The following TBC1D19 variants were observed in gnomAD, a reference collection of about 807,000 sequenced individuals.
TBC1D19 encodes the protein TBC1 domain family, member 19.
A neutral mutation model predicts 89.0 loss-of-function variants in TBC1D19; 60 were observed. The ratio of observed to expected loss-of-function variants is 0.67; its 90% CI spans 0.55 to 0.84. The LOEUF is 0.84. Ranked by LOEUF, TBC1D19 falls within the 40% of genes least tolerant of loss-of-function variation. The pLI is 0.00. For missense variants in TBC1D19, 500 were observed against 610.8 expected, an observed-to-expected ratio of 0.82 and a Z score of 1.91; for synonymous variants, 189 against 199.7, an observed-to-expected ratio of 0.95 and a Z score of 0.45.
At chr4:26,824,915 C>T in the TBC1D19 span, among the ~76,000 whole-genome samples, 1 of 152,122 alleles carries the variant, frequency 6.6e-6, no homozygotes, top group Non-Finnish European at 1.5e-5. Flanking sequence ...ACAGAGCATG[C>T]CTGTTTAACG....
At chr4:26,793,355 C>T in the TBC1D19 span, among the ~76,000 whole-genome samples, 1 of 152,150 alleles carries the variant, frequency 6.6e-6, no homozygotes, top group Admixed American at 6.5e-5. Flanking sequence ...AGTTTATTTG[C>T]CCACATAACT....
upstream of TBC1D19, chr4:26,584,021 G>A: frequency 3.2e-6 from 2 of 630,564 alleles, no homozygotes; most frequent in Admixed American, 5.8e-5. Context: ...GGCGCTGAGG[G>A]GACCAGAGAG....
At chr4:26,694,780 CAG>C (rs1299832739) in intron 13 of TBC1D19, among the ~76,000 whole-genome samples, 3 of 152,216 alleles carry the variant, frequency 2.0e-5, no homozygotes, top group Admixed American at 6.5e-5. Flanking sequence ...CCCAGGCAAA[CAG>C]GGTCTGGAGT....
chr4:26,772,010 A>G, the TBC1D19 span, among the ~76,000 whole-genome samples: 1 of 152,220 alleles, frequency 6.6e-6, no homozygotes, highest in South Asian at 2.1e-4. Flanking sequence ...AGGGAAAAAA[A>G]GAGAAAAGAT....
chr4:26,742,717 C>T, intron 18 of TBC1D19, 118 bp downstream of exon 18: 1 of 600,754 alleles, frequency 1.7e-6, no homozygotes, highest in Non-Finnish European at 2.7e-6. Flanking sequence ...AACAGTTTTC[C>T]TAATAAAACT....
intron 11 of TBC1D19, among the ~76,000 whole-genome samples, chr4:26,677,479 G>A (rs565582411): frequency 7.2e-5 from 11 of 152,042 alleles, no homozygotes; most frequent in Non-Finnish European, 1.2e-4. Flanking sequence ...CCACTACACC[G>A]GCTAATTTTT....
At chr4:26,792,410 C>G in the TBC1D19 span, among the ~76,000 whole-genome samples, 2 of 152,132 alleles carry the variant, frequency 1.3e-5, no homozygotes, top group Non-Finnish European at 2.9e-5. Context: ...TGGGTGGATT[C>G]AAGAAAGAAT....
At chr4:26,779,957 G>A in the TBC1D19 span, among the ~76,000 whole-genome samples, 3 of 152,214 alleles carry the variant, frequency 2.0e-5, no homozygotes, top group Admixed American at 6.5e-5. Context: ...GCCTGTGGCA[G>A]AGTGGGAAAT....
At chr4:26,817,993 T>TATATATATATATAA in the TBC1D19 span, among the ~76,000 whole-genome samples, 1 of 144,036 alleles carries the variant, frequency 6.9e-6, no homozygotes, top group African/African-American at 2.6e-5. Flanking sequence ...TATATATATA[T>TATATATATATATAA]ATATATATAT....
intron 4 of TBC1D19, among the ~76,000 whole-genome samples, chr4:26,630,109 TG>T (rs1742715533): frequency 6.6e-6 from 1 of 151,732 alleles, no homozygotes; most frequent in African/African-American, 2.4e-5. Context: ...TTACCTTCAT[TG>T]TTATTAAAAA....
At chr4:26,687,166 G>A (rs1713884660) in intron 12 of TBC1D19, among the ~76,000 whole-genome samples, 1 of 152,026 alleles carries the variant, frequency 6.6e-6, no homozygotes, top group African/African-American at 2.4e-5. Context: ...GTAAGGTTTG[G>A]GATCTATATT....
intron 13 of TBC1D19, among the ~76,000 whole-genome samples, chr4:26,706,668 T>C (rs994959072): frequency 5.3e-5 from 8 of 152,184 alleles, no homozygotes; most frequent in Non-Finnish European, 1.0e-4. Flanking sequence ...TAAGCCTCTA[T>C]AGCTATAAAT....
intron 7 of TBC1D19, among the ~76,000 whole-genome samples, chr4:26,643,239 A>G (rs1170857633): frequency 6.6e-6 from 1 of 152,242 alleles, no homozygotes; most frequent in Non-Finnish European, 1.5e-5. Context: ...CTCAGACCAC[A>G]GTGCAATCAA....
At chr4:26,578,075 A>G (rs1357581665) in intron 1 of TBC1D19, among the ~76,000 whole-genome samples, 1 of 152,134 alleles carries the variant, frequency 6.6e-6, no homozygotes, top group African/African-American at 2.4e-5. Context: ...ACTTTGTTCC[A>G]GGGTCCATGG....
At chr4:26,815,089 A>G in the TBC1D19 span, among the ~76,000 whole-genome samples, 1,627 of 152,328 alleles carry the variant, frequency 0.011, 39 homozygotes, top group African/African-American at 0.037. Context: ...AATTTTTAAT[A>G]ACAACTATAT....
chr4:26,590,796 G>GTTTTTTTTTTTTT (rs869124166), intron 1 of TBC1D19, among the ~76,000 whole-genome samples: 780 of 52,878 alleles, frequency 0.015, 95 homozygotes, highest in Non-Finnish European at 0.018. Context: ...TTGCAGGTCT[G>GTTTTTTTTTTTTT]TTTTTTTTTT....
chr4:26,647,024 A>G (rs1188020608), intron 7 of TBC1D19, among the ~76,000 whole-genome samples: 1 of 152,174 alleles, frequency 6.6e-6, no homozygotes, highest in Non-Finnish European at 1.5e-5. Flanking sequence ...TTTCTTTTTT[A>G]TTCCATTCCC....
chr4:26,605,664 C>T (rs1740948946), intron 1 of TBC1D19, among the ~76,000 whole-genome samples: 1 of 152,118 alleles, frequency 6.6e-6, no homozygotes, highest in African/African-American at 2.4e-5. Context: ...GTTTACAGTC[C>T]CACCAACAGT....
At chr4:26,696,244 G>A (rs1714768743) in intron 13 of TBC1D19, among the ~76,000 whole-genome samples, 1 of 152,092 alleles carries the variant, frequency 6.6e-6, no homozygotes, top group South Asian at 2.1e-4. Flanking sequence ...AACGAACAAA[G>A]ATCAAAAGAG....
Sources: gnomAD v4.1 joint callset for allele counts (sites outside exome capture counted in the v4.1 genomes callset) on GRCh38, gnomAD v4.1.1 for gene constraint, MANE v1.5 for transcripts, NCBI Gene and HGNC (gene_info 2026-07-23, HGNC 2026-07-21) for gene names.